The following ELMO1 variants were observed in gnomAD, a reference collection of about 807,000 sequenced individuals.
The protein encoded by ELMO1 is engulfment and cell motility protein 1.
A neutral mutation model predicts 98.9 loss-of-function variants in ELMO1; 26 were observed. The observed-to-expected ratio is 0.26, with a 90% CI of 0.19 to 0.36. The LOEUF (loss-of-function observed/expected upper bound fraction) is 0.36, where lower values mean the gene tolerates loss of function less well. Among genes scored for constraint, ELMO1 ranks in the 10% least tolerant of loss-of-function variants. ELMO1 has a pLI of 1.00. For synonymous variants in ELMO1, 346 were observed against 346.0 expected, an observed-to-expected ratio of 1.00 and a Z score of 0.00; for missense variants, 627 against 935.2, an observed-to-expected ratio of 0.67 and a Z score of 4.30.
intron 14 of ELMO1, among the ~76,000 whole-genome samples, chr7:37,128,301 C>T (rs768274058): frequency 6.6e-6 from 1 of 152,238 alleles, no homozygotes; most frequent in African/African-American, 2.4e-5. Context: ...ATAATGACAG[C>T]AGGCTCATGG....
chr7:37,041,139 A>T (rs1383847492), intron 15 of ELMO1, among the ~76,000 whole-genome samples: 1 of 152,108 alleles, frequency 6.6e-6, no homozygotes, highest in African/African-American at 2.4e-5. Context: ...GGAAGTTGAG[A>T]TCAGAGAAAA....
chr7:37,034,398 A>AT (rs1207853968), intron 15 of ELMO1, among the ~76,000 whole-genome samples: 2 of 152,248 alleles, frequency 1.3e-5, no homozygotes, highest in Non-Finnish European at 2.9e-5. Context: ...TGTAATCATG[A>AT]TTTTTTTAAA....
chr7:37,284,809 CCAGTT>C (rs1465476977), intron 4 of ELMO1, among the ~76,000 whole-genome samples: 1 of 151,892 alleles, frequency 6.6e-6, no homozygotes, highest in South Asian at 2.1e-4. Flanking sequence ...CCCAAATATT[CCAGTT>C]ATTCATTTAT....
intron 4 of ELMO1, among the ~76,000 whole-genome samples, chr7:37,301,947 C>A (rs960585117): frequency 5.3e-5 from 8 of 152,146 alleles, no homozygotes; most frequent in African/African-American, 1.7e-4. Flanking sequence ...CTTTGTCCTT[C>A]CTCTTGGTTT....
At chr7:37,229,020 A>G (rs1794020686) in intron 8 of ELMO1, among the ~76,000 whole-genome samples, 1 of 152,144 alleles carries the variant, frequency 6.6e-6, no homozygotes, top group African/African-American at 2.4e-5. Context: ...AAAACCAGCC[A>G]TGGAGAACAT....
chr7:37,025,742 T>C (rs905021299), intron 15 of ELMO1, among the ~76,000 whole-genome samples: 6 of 152,020 alleles, frequency 3.9e-5, no homozygotes, highest in African/African-American at 1.5e-4. Flanking sequence ...CAGATGGCAG[T>C]TTGTAGAACT....
rs561598243 is a variant in ELMO1, at chr7:37,266,629, A to G, written c.243+5203T>C. On this transcript the variant is annotated intron_variant, in intron 5 of 21. Transcript: ENST00000310758. ...CATGTTTTTAGCATAGGGCATTATG[A>G]TTCACCTCTTTTGTACTATAATGGC... Among the ~76,000 whole-genome samples the G allele has an allele frequency of 1.5e-4, 23 of 152,306 alleles. No individual in the cohort carries two copies. The South Asian group carries it at 4.8e-3, about 32-fold the overall frequency.
intron 16 of ELMO1, among the ~76,000 whole-genome samples, chr7:37,002,722 C>T (rs1274902702): frequency 6.6e-6 from 1 of 152,156 alleles, no homozygotes; most frequent in Non-Finnish European, 1.5e-5. Context: ...ACCCTATTAA[C>T]CAAGATGTGG....
intron 16 of ELMO1, among the ~76,000 whole-genome samples, chr7:37,001,234 T>G (rs1169897849): frequency 6.6e-6 from 1 of 152,196 alleles, no homozygotes; most frequent in Non-Finnish European, 1.5e-5. Context: ...AGAAAATTCT[T>G]TATTGTGTGG....
At chr7:37,372,000 T>C (rs985836012) in intron 1 of ELMO1, among the ~76,000 whole-genome samples, 1 of 152,138 alleles carries the variant, frequency 6.6e-6, no homozygotes, top group African/African-American at 2.4e-5. Context: ...AACTAATAAC[T>C]AATAACTGTC....
At chr7:37,447,629 A>C (rs1237033475) in intron 1 of ELMO1, among the ~76,000 whole-genome samples, 5 of 145,846 alleles carry the variant, frequency 3.4e-5, no homozygotes, top group African/African-American at 1.3e-4. Context: ...TCACACACAC[A>C]CCCACAACAC....
intron 15 of ELMO1, among the ~76,000 whole-genome samples, chr7:37,014,060 A>G (rs896955270): frequency 2.0e-5 from 3 of 152,166 alleles, no homozygotes; most frequent in Non-Finnish European, 4.4e-5. Context: ...CAACTGGTCC[A>G]GTCCTGGGCA....
At chr7:37,360,436 A>C (rs914267736) in intron 1 of ELMO1, among the ~76,000 whole-genome samples, 16 of 152,224 alleles carry the variant, frequency 1.1e-4, no homozygotes, top group Admixed American at 1.3e-4. Context: ...AAAAAAAAAA[A>C]AAAACACCAA....
At chr7:37,135,538 C>T (rs2541101) in intron 13 of ELMO1, among the ~76,000 whole-genome samples, 21,056 of 152,100 alleles carry the variant, frequency 0.14, 1,715 homozygotes, top group Middle Eastern at 0.24. Flanking sequence ...ACCTGAAGAC[C>T]GATCATATCA....
At chr7:36,965,903 A>G (rs137883947) in intron 16 of ELMO1, among the ~76,000 whole-genome samples, 255 of 152,332 alleles carry the variant, frequency 1.7e-3, no homozygotes, top group African/African-American at 5.9e-3. Context: ...ATATAATGCT[A>G]ACATTTTGAT....
chr7:37,211,659 T>A (rs1563080007), intron 12 of ELMO1, 142 bp from the exon 13 acceptor site: 2 of 1,182,386 alleles, frequency 1.7e-6, no homozygotes, highest in Non-Finnish European at 1.2e-6. Context: ...AGAGAACCAA[T>A]GTTCTAAGTT....
chr7:37,128,169 G>A (rs1430369888), intron 14 of ELMO1, among the ~76,000 whole-genome samples: 1 of 151,930 alleles, frequency 6.6e-6, no homozygotes, highest in Non-Finnish European at 1.5e-5. Flanking sequence ...CTGCAGCCTG[G>A]GCAAAAGAGT....
At chr7:37,375,618 C>G in intron 1 of ELMO1, 1 of 1,150,828 alleles carries the variant, frequency 8.7e-7, no homozygotes, top group Non-Finnish European at 1.3e-6. Context: ...TGCCTAAGCA[C>G]CAGGAGCTGG....
At chr7:37,186,544 A>C (rs1791218837) in intron 13 of ELMO1, among the ~76,000 whole-genome samples, 1 of 152,226 alleles carries the variant, frequency 6.6e-6, no homozygotes, top group African/African-American at 2.4e-5. Flanking sequence ...ACAGAATGTG[A>C]GAAGTTGCAA....
Sources: allele counts gnomAD v4.1 joint callset (sites outside exome capture counted in the v4.1 genomes callset), GRCh38; gene constraint gnomAD v4.1.1; transcripts MANE v1.5; gene names NCBI Gene and HGNC (gene_info 2026-07-23, HGNC 2026-07-21).